KDM3B: variants seen among roughly 807,000 people sequenced by gnomAD.
The protein encoded by KDM3B is lysine-specific demethylase 3B.
KDM3B carries 10 observed loss-of-function variants against 170.0 expected under a neutral mutation model. The observed-to-expected ratio is 0.06, with a 90% CI of 0.04 to 0.10. KDM3B has a LOEUF of 0.10. Ranked by LOEUF, KDM3B falls within the 10% of genes least tolerant of loss-of-function variation. The probability of loss-of-function intolerance (pLI) is 1.00; values close to 1 mark genes in which losing one functional copy is unlikely to be tolerated. For missense variants in KDM3B, 1,394 were observed against 2,195.2 expected (o/e 0.64, Z 7.29); for synonymous variants, 831 against 834.8 (o/e 1.00, Z 0.08).
chr5:138,420,473 G>A (rs957412563), intron 14 of KDM3B, among the ~76,000 whole-genome samples: 33 of 152,284 alleles, frequency 2.2e-4, no homozygotes, highest in Middle Eastern at 3.4e-3. Context: ...CAACAAAAGG[G>A]AGTTTGAAAT....
At chr5:138,389,782 C>CTGTGTGTGTGTGTGTGTG (rs148405512) in intron 7 of KDM3B, among the ~76,000 whole-genome samples, 21 of 143,466 alleles carry the variant, frequency 1.5e-4, no homozygotes, top group African/African-American at 5.4e-4. Context: ...CTCTCTCTCT[C>CTGTGTGTGTGTGTGTGTG]TGTGTGTGTG....
intron 11 of KDM3B, among the ~76,000 whole-genome samples, chr5:138,412,044 G>A (rs1235347231): frequency 6.7e-6 from 1 of 148,926 alleles, no homozygotes; most frequent in Non-Finnish European, 1.5e-5. Context: ...CTTTTCAGAA[G>A]ACACGTAAAA....
intron 7 of KDM3B, among the ~76,000 whole-genome samples, chr5:138,389,167 T>C (rs1218118748): frequency 6.6e-6 from 1 of 152,200 alleles, no homozygotes; most frequent in African/African-American, 2.4e-5. Flanking sequence ...TTCTCTATTG[T>C]AGGGAGTAAG....
At chr5:138,419,489 C>T (rs927255558) in intron 14 of KDM3B, among the ~76,000 whole-genome samples, 2 of 151,218 alleles carry the variant, frequency 1.3e-5, no homozygotes, top group Non-Finnish European at 2.9e-5. Context: ...CCCGTCTCTA[C>T]TAAAAATACA....
chr5:138,366,017 C>A (rs779847930), intron 1 of KDM3B, among the ~76,000 whole-genome samples: 48 of 151,856 alleles, frequency 3.2e-4, no homozygotes, highest in Non-Finnish European at 5.9e-4. Flanking sequence ...TAAATAAAAT[C>A]TTTTTAAAAA....
chr5:138,369,079 TCATGGCACCTAGCCATACAC>T (rs983542169), intron 1 of KDM3B, among the ~76,000 whole-genome samples: 54 of 152,144 alleles, frequency 3.5e-4, no homozygotes, highest in Non-Finnish European at 1.2e-4. Flanking sequence ...GAACTATACA[TCATGGCACCTAGCCATACAC>T]CATGGCACCT....
intron 7 of KDM3B, among the ~76,000 whole-genome samples, chr5:138,389,758 T>C (rs906241731): frequency 7.1e-6 from 1 of 141,478 alleles, no homozygotes; most frequent in Non-Finnish European, 1.5e-5. Flanking sequence ...TACCTATGGG[T>C]CTCTTCTCTC....
At chr5:138,412,476 A>T (rs1376973970) in intron 11 of KDM3B, among the ~76,000 whole-genome samples, 1 of 152,002 alleles carries the variant, frequency 6.6e-6, no homozygotes, top group Non-Finnish European at 1.5e-5. Flanking sequence ...CAACACGGAG[A>T]CCTCATCTCT....
chr5:138,428,155 C>T, intron 20 of KDM3B, 69 bp downstream of exon 20: 1 of 1,429,494 alleles, frequency 7.0e-7, no homozygotes, highest in Non-Finnish European at 9.6e-7. Context: ...TTTGTGTTTT[C>T]ATCCTTAGGG....
At chr5:138,405,279 G>A (rs1463711463) in intron 11 of KDM3B, among the ~76,000 whole-genome samples, 1 of 151,168 alleles carries the variant, frequency 6.6e-6, no homozygotes, top group Non-Finnish European at 1.5e-5. Flanking sequence ...CTGATCTCGT[G>A]ATCCACCCGC....
At chr5:138,425,048 GT>G (rs1448378825) in intron 16 of KDM3B, among the ~76,000 whole-genome samples, 1 of 152,198 alleles carries the variant, frequency 6.6e-6, no homozygotes, top group Non-Finnish European at 1.5e-5. Flanking sequence ...ACACTCCCTA[GT>G]TTAAAAACTT....
chr5:138,387,010 C>T (rs1762280466), intron 7 of KDM3B, among the ~76,000 whole-genome samples: 1 of 152,174 alleles, frequency 6.6e-6, no homozygotes, highest in Admixed American at 6.5e-5. Context: ...ATAATTAAGG[C>T]TATGTGTGCA....
At position 138,392,144 on chromosome 5, in the gene KDM3B, C is replaced by T. The variant is rs1400024131; in HGVS notation, c.2512C>T (p.Pro838Ser). Reference sequence around the variant, plus strand: ...GGCTAAGACAGGCCTGAAGGGAATTCCAGAGCACCTGATGGGGAAGCTGGG... The same window carrying T: ...GGCTAAGACAGGCCTGAAGGGAATTTCAGAGCACCTGATGGGGAAGCTGGG... ...LQAKTGLKGIPEHLMGKLGPN... is the reference protein window; with the variant it reads ...LQAKTGLKGISEHLMGKLGPN... Residue 838 changes from proline (P) to serine (S), a missense_variant, in exon 8 of 24, where the codon CCA becomes TCA. Pro to Ser is a moderately conservative substitution (Grantham distance 74). This residue lies in a region of KDM3B where 84 missense variants were observed against 135.8 expected (regional missense o/e 0.62). Transcript: ENST00000314358. The T allele has an allele frequency of 6.3e-7, 1 of 1,586,668 alleles. No homozygotes were observed. Among genetic ancestry groups the T allele is most frequent in the African/African-American group, 1.3e-5 (1 of 74,272 alleles).
At chr5:138,413,600 T>C (rs2126981918) in intron 11 of KDM3B, among the ~76,000 whole-genome samples, 1 of 152,284 alleles carries the variant, frequency 6.6e-6, no homozygotes, top group South Asian at 2.1e-4. Context: ...CAGAAAGACC[T>C]ATACATGAAT....
At chr5:138,353,250 G>T (rs1264188465) in intron 1 of KDM3B, among the ~76,000 whole-genome samples, 1 of 152,228 alleles carries the variant, frequency 6.6e-6, no homozygotes, top group African/African-American at 2.4e-5. Context: ...CCCGCCTCCT[G>T]GGCGACCCTT....
At chr5:138,358,137 A>C (rs1053840743) in intron 1 of KDM3B, among the ~76,000 whole-genome samples, 1 of 151,090 alleles carries the variant, frequency 6.6e-6, no homozygotes, top group Non-Finnish European at 1.5e-5. Flanking sequence ...AGTTGGGATT[A>C]CAGGCGTCCA....
chr5:138,363,644 TCAAG>T (rs1272979678), intron 1 of KDM3B, among the ~76,000 whole-genome samples: 2 of 152,180 alleles, frequency 1.3e-5, no homozygotes, highest in Non-Finnish European at 1.5e-5. Flanking sequence ...CATCCCAGGT[TCAAG>T]TGATTCTCCT....
At chr5:138,409,735 C>T (rs1198670123) in intron 11 of KDM3B, among the ~76,000 whole-genome samples, 1 of 151,966 alleles carries the variant, frequency 6.6e-6, no homozygotes, top group Non-Finnish European at 1.5e-5. Context: ...CTGGGCAACA[C>T]AGCAAGATCC....
intron 10 of KDM3B, among the ~76,000 whole-genome samples, chr5:138,399,591 A>C (rs1299707475): frequency 1.3e-5 from 2 of 152,112 alleles, no homozygotes; most frequent in Non-Finnish European, 2.9e-5. Flanking sequence ...AACATGTGGC[A>C]GTAATTCCTT....
Sources: allele counts gnomAD v4.1 joint callset (sites outside exome capture counted in the v4.1 genomes callset), GRCh38; gene constraint gnomAD v4.1.1; regional missense constraint gnomAD v4.1.1; transcripts MANE v1.5; gene names NCBI Gene and HGNC (gene_info 2026-07-23, HGNC 2026-07-21).